The following SIGLEC9 variants were observed in gnomAD, a reference collection of about 807,000 sequenced individuals.
SIGLEC9 encodes the protein sialic acid binding Ig like lectin 9, also known as sialic acid-binding Ig-like lectin 9.
A neutral mutation model predicts 38.3 loss-of-function variants in SIGLEC9; 26 were observed. That is an observed-to-expected ratio of 0.68 (90% CI 0.50 to 0.94). The LOEUF (loss-of-function observed/expected upper bound fraction) is 0.94, where lower values mean the gene tolerates loss of function less well. Among genes scored for constraint, SIGLEC9 ranks in the 40% least tolerant of loss-of-function variants. The probability of loss-of-function intolerance (pLI) is 0.00; values close to 1 mark genes in which losing one functional copy is unlikely to be tolerated. For synonymous variants in SIGLEC9, 236 were observed against 248.0 expected (o/e 0.95, Z 0.45); for missense variants, 556 against 585.7 (o/e 0.95, Z 0.52).
chr19:51,121,853 G>T (rs1808305724), upstream of SIGLEC9, among the ~76,000 whole-genome samples: 1 of 152,110 alleles, frequency 6.6e-6, no homozygotes, highest in Non-Finnish European at 1.5e-5. Context: ...CTCCCAAAGT[G>T]CTGGGGTTAC....
At position 51,128,411 on chromosome 19, in the gene SIGLEC9, C is replaced by T. The variant is rs2091992724; in HGVS notation, c.1107-3C>T. ...TGAAAGGCTCTCTGGTCTCTTCACT[C>T]AGAGTGAGGTCCTGCAGGAAGAAAT... On this transcript the variant is annotated splice_region_variant and splice_polypyrimidine_tract_variant and intron_variant, in intron 5 of 6. Coordinates refer to ENST00000250360, the MANE Select transcript of SIGLEC9 (RefSeq NM_014441.3). The T allele has an allele frequency of 2.5e-6, 4 of 1,613,998 alleles. No individual in the cohort carries two copies. The highest frequency in any genetic ancestry group is 2.5e-6 in the Non-Finnish European group (3 of 1,179,914).
chr19:51,124,602 C>G (rs374317215), upstream of SIGLEC9, among the ~76,000 whole-genome samples: 60 of 152,308 alleles, frequency 3.9e-4, no homozygotes, highest in African/African-American at 1.4e-3. Flanking sequence ...TATCCACAGC[C>G]TCTGACTCAG....
chr19:51,127,002 C>A, intron 3 of SIGLEC9, 28 bp from the exon 4 acceptor site: 1 of 1,607,314 alleles, frequency 6.2e-7, no homozygotes, highest in Non-Finnish European at 8.5e-7. Flanking sequence ...CTATGTATCT[C>A]TCTGACCCTC....
At position 51,129,920 on chromosome 19, in the gene SIGLEC9, C is replaced by T. The variant is rs750936906; in HGVS notation, c.1233C>T (p.Asp411=). The change falls in exon 7 of 7, where the codon GAC becomes GAT. Residue 411 remains aspartate, a synonymous_variant. Transcript: ENST00000250360. Reference sequence around the variant, plus strand: ...CCCTGACTGAACCTTGGGCAGAAGACAGTCCCCCAGACCAGCCTCCCCCAG... The same window carrying T: ...CCCTGACTGAACCTTGGGCAGAAGATAGTCCCCCAGACCAGCCTCCCCCAG... ...QGPLTEPWAE[D]SPPDQPPPAS... The T allele has an allele frequency of 3.7e-6, 6 of 1,607,164 alleles. No individual in the cohort carries two copies. Among genetic ancestry groups the T allele is most frequent in the Non-Finnish European group, 5.1e-6 (6 of 1,176,814 alleles).
downstream of SIGLEC9, among the ~76,000 whole-genome samples, chr19:51,133,388 C>G (rs2092027058): frequency 7.0e-6 from 1 of 142,954 alleles, no homozygotes; most frequent in African/African-American, 2.6e-5. Flanking sequence ...GCCTGGATAA[C>G]ATGGTGAAAC....
At chr19:51,124,014 A>G (rs1272747226), upstream of SIGLEC9, among the ~76,000 whole-genome samples, 2 of 152,200 alleles carry the variant, frequency 1.3e-5, no homozygotes, top group Non-Finnish European at 2.9e-5. Context: ...GAGCTTGCAG[A>G]AGCAAAGCCC....
At chr19:51,135,756 G>C (rs1280031081) in intron 6 of SIGLEC9, among the ~76,000 whole-genome samples, 2 of 151,974 alleles carry the variant, frequency 1.3e-5, no homozygotes, top group Admixed American at 1.3e-4. Context: ...TTGTTGGAGG[G>C]TTTTGTCATT....
At chr19:51,133,131 A>G (rs559190361), downstream of SIGLEC9, among the ~76,000 whole-genome samples, 3 of 152,200 alleles carry the variant, frequency 2.0e-5, no homozygotes, top group African/African-American at 7.2e-5. Context: ...GTGATAAGAA[A>G]CACATTTAGA....
At position 51,130,131 on chromosome 19, in the gene SIGLEC9, G is replaced by A. The variant is rs1228576158; in HGVS notation, c.*52G>A. ...AGGGATCACAGCCCCTCCAGGCAAG[G>A]GAGAAGTCAGAGGCTGATTCTTGTA... is the stretch of plus-strand genomic sequence containing the variant. On this transcript the variant is annotated 3_prime_UTR_variant, in exon 7 of 7. Coordinates refer to ENST00000250360, the MANE Select transcript of SIGLEC9 (RefSeq NM_014441.3). The A allele has an allele frequency of 3.9e-6, 6 of 1,540,888 alleles. No individual in the cohort carries two copies. Among genetic ancestry groups the A allele is most frequent in the African/African-American group, 1.4e-5 (1 of 72,602 alleles).
chr19:51,120,556 G>A (rs2091948463), upstream of SIGLEC9: 1 of 152,550 alleles, frequency 6.6e-6, no homozygotes, highest in Admixed American at 6.5e-5. The surrounding 1 kb of genome is among the most constrained non-coding windows in gnomAD (Gnocchi z 4.1). Flanking sequence ...CCGTATCATG[G>A]GCCGGTGAGA....
At chr19:51,126,019 C>A in intron 2 of SIGLEC9, 62 bp from the exon 3 acceptor site, 1 of 1,589,948 alleles carries the variant, frequency 6.3e-7, no homozygotes, top group South Asian at 1.1e-5. Context: ...CTCCTGGGGA[C>A]AGACAGGGCC....
chr19:51,136,097 A>C, exon 7 of SIGLEC9: 1 of 703,898 alleles, frequency 1.4e-6, no homozygotes, highest in Non-Finnish European at 2.6e-6. Context: ...ACTCATTAAG[A>C]ACATTGCTGG....
chr19:51,125,638 G>A lies in SIGLEC9; in HGVS notation c.463G>A (p.Glu155Lys). 1 of 1,613,072 alleles carries A rather than the reference G, an allele frequency of 6.2e-7. No individual in the cohort carries two copies. The highest frequency in any genetic ancestry group is 1.1e-5 in the South Asian group (1 of 91,090). ...CAACATCCTCATCCCAGGCACCCTG[G>A]AGTCCGGCTGCCCCCAGAATCTGAC... The part of the protein sequence containing the change: ...RPNILIPGTL[E>K]SGCPQNLTCS... Residue 155 changes from glutamate to lysine, a missense_variant, in exon 2 of 7, where the codon GAG becomes AAG. Physicochemically the swap from Glu to Lys is moderately conservative, Grantham distance 56. Transcript: ENST00000250360.
upstream of SIGLEC9, among the ~76,000 whole-genome samples, chr19:51,124,426 C>T (rs529978238): frequency 6.6e-6 from 1 of 152,236 alleles, no homozygotes; most frequent in Admixed American, 6.5e-5. Context: ...CTCCCCTCCG[C>T]ACAGTGACCC....
Position 51,127,210 on chromosome 19 carries a change from T to G in SIGLEC9, c.929T>G (p.Val310Gly). 6.2e-7 allele frequency: 1 copy of G among 1,614,184 alleles called. No individual in the cohort carries two copies. The highest frequency in any genetic ancestry group is 1.1e-5 in the South Asian group (1 of 91,084). ...CCGGGGGTGCTGGAGCTGCCTTGGG[T>G]GCACCTGAGGGATGCAGCTGAATTC... is the stretch of plus-strand genomic sequence containing the variant. Reference protein sequence around the residue: ...SNPGVLELPWVHLRDAAEFTC... With the variant: ...SNPGVLELPWGHLRDAAEFTC... The change falls in exon 4 of 7, where the codon GTG (valine) becomes GGG (glycine). Residue 310 changes from valine (V) to glycine (G), a missense_variant. Coordinates refer to ENST00000250360, the MANE Select transcript of SIGLEC9 (RefSeq NM_014441.3).
At position 51,130,008 on chromosome 19, in the gene SIGLEC9, G is replaced by A. The variant is rs1019525361; in HGVS notation, c.1321G>A (p.Val441Met). 2.2e-5 allele frequency: 35 copies of A among 1,613,922 alleles called. No individual in the cohort carries two copies. The Admixed American group carries it at 5.3e-4, about 25-fold the overall frequency. Residue 441 changes from valine to methionine, a missense_variant, in exon 7 of 7, where the codon GTG (valine) becomes ATG (methionine). Coordinates refer to ENST00000250360, the MANE Select transcript of SIGLEC9 (RefSeq NM_014441.3). The part of the protein sequence containing the change: ...LQYASLSFQM[V>M]KPWDSRGQEA... ...GTATGCATCCCTCAGCTTCCAGATGGTGAAGCCTTGGGACTCGCGGGGACA... is the reference window on the plus strand; with the variant it reads ...GTATGCATCCCTCAGCTTCCAGATGATGAAGCCTTGGGACTCGCGGGGACA...
At position 51,128,007 on chromosome 19, in the gene SIGLEC9, G is replaced by C; in HGVS notation, c.1074G>C (p.Leu358=). The change falls in exon 5 of 7, where the codon CTG becomes CTC. Residue 358 remains leucine (L), a synonymous_variant. Transcript: ENST00000250360. ...TCGGGGGAGCTGGAGCCACAGCCCT[G>C]GTCTTCCTGTCCTTCTGCGTCATCT... ...GVVGGAGATA[L]VFLSFCVIFV... 6.2e-7 allele frequency: 1 copy of C among 1,614,040 alleles called. No homozygotes were observed.
intron 6 of SIGLEC9, chr19:51,129,036 CAT>C (rs1272093645): frequency 4.6e-5 from 7 of 153,232 alleles, no homozygotes; most frequent in African/African-American, 1.7e-4. Context: ...TATTCACAAA[CAT>C]AAAGAGTGGG....
chr19:51,121,673 G>A (rs925016591), upstream of SIGLEC9, among the ~76,000 whole-genome samples: 8 of 142,654 alleles, frequency 5.6e-5, no homozygotes, highest in Admixed American at 1.5e-4. Context: ...TGCAACCTCC[G>A]CCTCCTTGGT....
Sources: allele counts gnomAD v4.1 joint callset (sites outside exome capture counted in the v4.1 genomes callset), GRCh38; gene constraint gnomAD v4.1.1; non-coding constraint Gnocchi (gnomAD v3.1); transcripts MANE v1.5; gene names NCBI Gene and HGNC (gene_info 2026-07-23, HGNC 2026-07-21).